Variants in NF1 observed in about 807,000 individuals in gnomAD.
NF1 encodes the protein neurofibromin.
In NF1, 122 loss-of-function variants were observed where a neutral mutation model predicts 325.7. That is an observed-to-expected ratio of 0.37 (90% CI 0.32 to 0.44). The LOEUF is 0.44. NF1 is among the 20% of genes least tolerant of loss of function. NF1 has a pLI of 1.00. For synonymous variants in NF1, 1,091 were observed against 1,186.0 expected (o/e 0.92, Z 1.65); for missense variants, 2,140 against 3,415.4 (o/e 0.63, Z 9.31).
At chr17:31,234,641 A>G (rs1336079042) in intron 27 of NF1, among the ~76,000 whole-genome samples, 1 of 131,822 alleles carries the variant, frequency 7.6e-6, no homozygotes, top group Non-Finnish European at 1.5e-5. Context: ...ACTGCACTCC[A>G]GCCTGGGCGA....
intron 35 of NF1, among the ~76,000 whole-genome samples, chr17:31,263,094 GGT>G (rs1491462598): frequency 4.0e-5 from 4 of 99,790 alleles, no homozygotes; most frequent in South Asian, 6.3e-4. Flanking sequence ...TAGGTAGGTA[GGT>G]AGGTAGGTAG....
intron 36 of NF1, among the ~76,000 whole-genome samples, chr17:31,271,771 C>G (rs2067902828): frequency 6.6e-6 from 1 of 151,538 alleles, no homozygotes; most frequent in Non-Finnish European, 1.5e-5. Flanking sequence ...AAATAAAATA[C>G]AAAAACAACT....
chr17:31,099,168 G>A (rs1191189721), intron 1 of NF1, among the ~76,000 whole-genome samples: 1 of 152,016 alleles, frequency 6.6e-6, no homozygotes. Flanking sequence ...CTAATATTCG[G>A]TGTGATTAAA....
At chr17:31,244,828 GGTT>G (rs2067363497) in intron 29 of NF1, among the ~76,000 whole-genome samples, 1 of 152,108 alleles carries the variant, frequency 6.6e-6, no homozygotes, top group Non-Finnish European at 1.5e-5. Context: ...TTGTATGGAT[GGTT>G]GTTCAAGTTG....
intron 56 of NF1, chr17:31,359,613 C>T: frequency 6.4e-6 from 1 of 155,194 alleles, no homozygotes; most frequent in South Asian, 2.0e-4. Flanking sequence ...GCATGCAGCA[C>T]CACGCCCAGC....
Position 31,374,532 on chromosome 17 carries a change from G to T in NF1, c.*377G>T. ...ATTTGCACAGAGCTCTGCCTTCTGTGGTTTTCCCTTCTTCATCCTACAGAG... is the reference window on the plus strand; with the variant it reads ...ATTTGCACAGAGCTCTGCCTTCTGTTGTTTTCCCTTCTTCATCCTACAGAG... On this transcript the variant is annotated 3_prime_UTR_variant, in exon 58 of 58. Coordinates refer to ENST00000358273, the MANE Select transcript of NF1 (RefSeq NM_001042492.3). 2.6e-6 allele frequency: 1 copy of T among 391,916 alleles called. No individual in the cohort carries two copies. 24.3% of individuals were successfully genotyped at this position (391,916 alleles called of 1,614,324 possible).
intron 36 of NF1, chr17:31,314,019 T>A: frequency 2.5e-6 from 1 of 398,178 alleles, no homozygotes; most frequent in Non-Finnish European, 4.4e-6. Context: ...AAATTCTTGT[T>A]CTAACTGGAC....
In NF1 at chr17:31,151,034, CA is replaced by C. The variant is rs111746465; in HGVS notation, c.61-4939del. 7.6e-3 allele frequency among the ~76,000 whole-genome samples: 611 copies of C among 80,060 alleles called. 5 individuals are homozygous for C. The highest frequency in any genetic ancestry group is 0.021 in the African/African-American group (573 of 27,418). 52.5% of individuals were successfully genotyped at this position (80,060 alleles called of 152,430 possible). ...TGGGTGACAGAGCAAGGCTCTGTCT[CA>C]AAAAAAAAATAAATAAATAAATAAA... On this transcript the variant is annotated intron_variant, in intron 1 of 57. Coordinates refer to ENST00000358273, the MANE Select transcript of NF1 (RefSeq NM_001042492.3).
intron 5 of NF1, among the ~76,000 whole-genome samples, chr17:31,171,350 A>G (rs2065924357): frequency 6.6e-6 from 1 of 152,194 alleles, no homozygotes; most frequent in Admixed American, 6.5e-5. Context: ...ATCTATTATT[A>G]AGCGTTGAGC....
chr17:31,365,730 C>A (rs921373608), intron 57 of NF1, among the ~76,000 whole-genome samples: 1 of 152,072 alleles, frequency 6.6e-6, no homozygotes, highest in African/African-American at 2.4e-5. Context: ...CAGATCAGAA[C>A]GGGCAGTAGA....
At chr17:31,182,764 TTCAGGGAACCATTTAAATG>T in intron 8 of NF1, 99 bp downstream of exon 8, 1 of 1,148,682 alleles carries the variant, frequency 8.7e-7, no homozygotes, top group Non-Finnish European at 1.3e-6. Flanking sequence ...AGCAAAGTAT[TTCAGGGAACCATTTAAATG>T]ATCATTTTAG....
chr17:31,299,477 G>C (rs879306621), intron 36 of NF1: 1 of 151,976 alleles, frequency 6.6e-6, no homozygotes, highest in Non-Finnish European at 1.5e-5. Context: ...AGATTAAGCA[G>C]TAAATTAATT....
At chr17:31,282,156 G>A (rs1292192100) in intron 36 of NF1, among the ~76,000 whole-genome samples, 1 of 152,056 alleles carries the variant, frequency 6.6e-6, no homozygotes, top group African/African-American at 2.4e-5. Flanking sequence ...GCCGAGGCAG[G>A]TGAATCCCGA....
intron 35 of NF1, among the ~76,000 whole-genome samples, chr17:31,262,423 T>A (rs2067701664): frequency 6.6e-6 from 1 of 152,234 alleles, no homozygotes; most frequent in Non-Finnish European, 1.5e-5. Flanking sequence ...TGTTAGACAC[T>A]TACTCTGTGA....
At chr17:31,287,121 T>C (rs2068243032) in intron 36 of NF1, among the ~76,000 whole-genome samples, 1 of 152,244 alleles carries the variant, frequency 6.6e-6, no homozygotes, top group Non-Finnish European at 1.5e-5. Context: ...ATAACAAACC[T>C]TGTAAATTAT....
At chr17:31,187,137 A>G (rs995664584) in intron 8 of NF1, among the ~76,000 whole-genome samples, 9 of 152,222 alleles carry the variant, frequency 5.9e-5, no homozygotes, top group African/African-American at 2.2e-4. Context: ...GCCTCTGACC[A>G]AGGCACTCAC....
At chr17:31,304,867 T>C (rs573043494) in intron 36 of NF1, 2 of 1,614,108 alleles carry the variant, frequency 1.2e-6, no homozygotes, top group Non-Finnish European at 1.7e-6. Context: ...GTCAGGGGTT[T>C]CTCCATCAGC....
intron 12 of NF1, among the ~76,000 whole-genome samples, chr17:31,211,921 A>G (rs1394512974): frequency 6.6e-6 from 1 of 152,126 alleles, no homozygotes; most frequent in Non-Finnish European, 1.5e-5. Flanking sequence ...TCTCATACTC[A>G]GGATCTATAC....
intron 4 of NF1, among the ~76,000 whole-genome samples, chr17:31,167,550 CAT>C (rs1386075726): frequency 6.6e-6 from 1 of 152,042 alleles, no homozygotes; most frequent in Non-Finnish European, 1.5e-5. Context: ...GCCTTTTCAC[CAT>C]ATCTCTATTG....
Sources: gnomAD v4.1 joint callset for allele counts (sites outside exome capture counted in the v4.1 genomes callset) on GRCh38, gnomAD v4.1.1 for gene constraint, MANE v1.5 for transcripts, NCBI Gene and HGNC (gene_info 2026-07-23, HGNC 2026-07-21) for gene names.